TTPAL: variants seen among roughly 807,000 people sequenced by gnomAD.
TTPAL encodes the protein alpha-tocopherol transfer protein-like.
Under a neutral mutation model 28.7 loss-of-function variants are expected in TTPAL, and 21 were observed. The ratio of observed to expected loss-of-function variants is 0.73; its 90% confidence interval spans 0.52 to 1.06. The LOEUF is 1.06. TTPAL is among the 50% of genes least tolerant of loss of function. The pLI is 0.00. For synonymous variants in TTPAL, 169 were observed against 171.9 expected, an observed-to-expected ratio of 0.98 and a Z score of 0.13; for missense variants, 345 against 425.5, an observed-to-expected ratio of 0.81 and a Z score of 1.67.
chr20:44,482,272 G>A (rs1226824609), intron 2 of TTPAL, among the ~76,000 whole-genome samples: 1 of 152,128 alleles, frequency 6.6e-6, no homozygotes, highest in East Asian at 1.9e-4. Flanking sequence ...ATCAGGTCAG[G>A]TGTGGTGGCT....
In TTPAL at chr20:44,492,766, G is replaced by C. The variant is rs574718007; in HGVS notation, c.*3225G>C. On this transcript the variant is annotated 3_prime_UTR_variant, in exon 5 of 5. Coordinates refer to ENST00000262605, the MANE Select transcript of TTPAL (RefSeq NM_001039199.3). ...TCCCCTGTTCTGCCTTCATGGGGGA[G>C]AGACTGGATGAAATCTACAAAAACA... 1 of 152,438 alleles carries C rather than the reference G, an allele frequency of 6.6e-6. No homozygotes were observed. The highest frequency in any genetic ancestry group is 2.4e-5 in the African/African-American group (1 of 41,568). The allele number at this position is 152,438 out of a possible 1,614,324, so 9.4% of individuals were successfully genotyped here.
chr20:44,487,138 C>T (rs1450379732), intron 4 of TTPAL, among the ~76,000 whole-genome samples: 1 of 152,078 alleles, frequency 6.6e-6, no homozygotes, highest in Non-Finnish European at 1.5e-5. Flanking sequence ...AAAAATTAGC[C>T]AGGCATGGTG....
intron 4 of TTPAL, among the ~76,000 whole-genome samples, chr20:44,488,893 T>C (rs964911250): frequency 6.6e-6 from 1 of 152,168 alleles, no homozygotes; most frequent in Non-Finnish European, 1.5e-5. Context: ...GGCACGACTG[T>C]GATCTGAGTT....
At chr20:44,488,537 T>C (rs1221635908) in intron 4 of TTPAL, among the ~76,000 whole-genome samples, 2 of 152,166 alleles carry the variant, frequency 1.3e-5, no homozygotes, top group Admixed American at 6.5e-5. Context: ...AGTATTAGAA[T>C]GTGGTAAGTG....
In TTPAL at chr20:44,489,681, A is replaced by G. The variant is rs1034201363; in HGVS notation, c.*140A>G. On this transcript the variant is annotated 3_prime_UTR_variant, in exon 5 of 5. Coordinates refer to ENST00000262605, the MANE Select transcript of TTPAL (RefSeq NM_001039199.3). ...TGGAGGAACAGCCTGAGATATGAGC[A>G]TGAGCCCATTTTGGGGTAAGCCTTT... is the stretch of plus-strand genomic sequence containing the variant. The G allele has an allele frequency of 1.2e-4, 111 of 936,236 alleles. No homozygotes were observed. The highest frequency in any genetic ancestry group is 1.6e-4 in the Non-Finnish European group (106 of 644,560). The allele number at this position is 936,236 out of a possible 1,614,324, so 58.0% of individuals were successfully genotyped here.
intron 3 of TTPAL, among the ~76,000 whole-genome samples, chr20:44,484,987 C>T (rs2064138836): frequency 6.6e-6 from 1 of 152,130 alleles, no homozygotes; most frequent in Non-Finnish European, 1.5e-5. Flanking sequence ...GTGGCAGGCA[C>T]CTGTAATCCC....
In TTPAL at chr20:44,480,023, G is replaced by C; in HGVS notation, c.24G>C (p.Leu8=). 2 of 1,613,630 alleles carry C rather than the reference G, an allele frequency of 1.2e-6. No homozygotes were observed. The highest frequency in any genetic ancestry group is 1.7e-6 in the Non-Finnish European group (2 of 1,179,600). The change falls in exon 2 of 5, where the codon CTG becomes CTC. Residue 8 remains leucine, a synonymous_variant. Transcript: ENST00000262605. The surrounding 1 kb of genome is among the most constrained non-coding windows in gnomAD (Gnocchi z 4.1). MSEESDS[L]RTSPSVASLS... Reference sequence around the variant, plus strand: ...TAATGTCCGAAGAAAGTGACTCTCTGAGAACCAGCCCTTCTGTGGCCTCAC... The same window carrying C: ...TAATGTCCGAAGAAAGTGACTCTCTCAGAACCAGCCCTTCTGTGGCCTCAC...
In TTPAL at chr20:44,489,514, G is replaced by T. The variant is rs773429057; in HGVS notation, c.1002G>T (p.Val334=). 3 of 1,614,104 alleles carry T rather than the reference G, an allele frequency of 1.9e-6. No individual in the cohort carries two copies. In the African/African-American group the frequency reaches 4.0e-5, roughly 22 times the overall value. Residue 334 remains valine, a synonymous_variant, in exon 5 of 5, where the codon GTG becomes GTT. Coordinates refer to ENST00000262605, the MANE Select transcript of TTPAL (RefSeq NM_001039199.3). ...AGTGTGACGACTCCTTGCGAGCTGT[G>T]AAGTCACAGCTGTACTCCTGCTACT... ...DAQCDDSLRA[V]KSQLYSCY
In TTPAL at chr20:44,477,817, G is replaced by T. The variant is rs8126185; in HGVS notation, c.-16+1826G>T. Among the ~76,000 whole-genome samples, 822 of 152,026 alleles carry T rather than the reference G, an allele frequency of 5.4e-3. 4 individuals are homozygous for T. Among genetic ancestry groups the T allele is most frequent in the Middle Eastern group, 0.02 (6 of 294 alleles). ...CTACAGGCCCGCACCACCATGCCTG[G>T]CTAATTTTTGTATTTTTAGTAGAGA... is the stretch of plus-strand genomic sequence containing the variant. On this transcript the variant is annotated intron_variant, in intron 1 of 4. Transcript: ENST00000262605.
chr20:44,478,032 T>C (rs1004123258), intron 1 of TTPAL, among the ~76,000 whole-genome samples: 2 of 152,172 alleles, frequency 1.3e-5, no homozygotes, highest in Non-Finnish European at 2.9e-5. Context: ...GGCAGGAGGA[T>C]TGCTTGAACT....
rs190055831 is a variant in TTPAL, at chr20:44,479,924, T to G, written c.-15-61T>G. 3.3e-4 allele frequency: 468 copies of G among 1,418,838 alleles called. 8 individuals are homozygous for G. In the Admixed American group the frequency reaches 8.7e-3, roughly 26 times the overall value. The allele number at this position is 1,418,838 out of a possible 1,614,324, so 87.9% of individuals were successfully genotyped here. On this transcript the variant is annotated intron_variant, in intron 1 of 4. Transcript: ENST00000262605. ...AGAAGTGTTCCTGTCCCCTACACTG[T>G]ACTGCCCTAGGATTTGAAATAAGCA... is the stretch of plus-strand genomic sequence containing the variant.
chr20:44,477,817 G>A (rs8126185), intron 1 of TTPAL, among the ~76,000 whole-genome samples: 15 of 151,910 alleles, frequency 9.9e-5, no homozygotes, highest in Admixed American at 9.8e-4. Flanking sequence ...ACCATGCCTG[G>A]CTAATTTTTG....
rs149152163 is a variant in TTPAL at position 44,488,580 on chromosome 20, G to C, written c.751-683G>C. 4.7e-3 allele frequency among the ~76,000 whole-genome samples: 711 copies of C among 152,244 alleles called. 4 individuals are homozygous for C. Among genetic ancestry groups the C allele is most frequent in the African/African-American group, 0.017 (686 of 41,550 alleles). ...GAAAAATAAAGCAGAGAAAAGTATAGCGTGTGTGAGGTGGGAAGGGTTGCA... is the reference window on the plus strand; with the variant it reads ...GAAAAATAAAGCAGAGAAAAGTATACCGTGTGTGAGGTGGGAAGGGTTGCA... On this transcript the variant is annotated intron_variant, in intron 4 of 4. Coordinates refer to ENST00000262605, the MANE Select transcript of TTPAL (RefSeq NM_001039199.3).
chr20:44,492,737 CT>C lies in TTPAL; in HGVS notation c.*3197del, dbSNP rs1166452813. 6.6e-6 allele frequency: 1 copy of C among 152,246 alleles called. No individual in the cohort carries two copies. Among genetic ancestry groups the C allele is most frequent in the Non-Finnish European group, 1.5e-5 (1 of 68,030 alleles). The allele number at this position is 152,246 out of a possible 1,614,324, so 9.4% of individuals were successfully genotyped here. Reference sequence around the variant, plus strand: ...AACATGGAATTCTGGAAAACTGTGCCTCTTCCCCTGTTCTGCCTTCATGGGG... The same window carrying C: ...AACATGGAATTCTGGAAAACTGTGCCCTTCCCCTGTTCTGCCTTCATGGGG... On this transcript the variant is annotated 3_prime_UTR_variant, in exon 5 of 5. Transcript: ENST00000262605.
At chr20:44,487,075 G>A (rs990284331) in intron 4 of TTPAL, among the ~76,000 whole-genome samples, 1 of 152,126 alleles carries the variant, frequency 6.6e-6, no homozygotes, top group Non-Finnish European at 1.5e-5. Flanking sequence ...GAGGTCAGGA[G>A]TTCGAGACCA....
chr20:44,485,967 C>T (rs893168491), intron 3 of TTPAL: 5 of 152,138 alleles, frequency 3.3e-5, no homozygotes, highest in African/African-American at 1.2e-4. Context: ...CCTCTAATAG[C>T]CTGAGAAATA....
At chr20:44,476,788 T>C (rs960772959) in intron 1 of TTPAL, among the ~76,000 whole-genome samples, 12 of 152,388 alleles carry the variant, frequency 7.9e-5, no homozygotes, top group Middle Eastern at 3.4e-3. Context: ...CAAGGAATTG[T>C]ATTGTTTGCG....
At chr20:44,486,465 G>C in intron 3 of TTPAL, 131 bp from the exon 4 acceptor site, 2 of 615,236 alleles carry the variant, frequency 3.3e-6, no homozygotes, top group South Asian at 4.3e-5. Context: ...GCCCCACGTG[G>C]ACTGTCATTG....
In TTPAL at chr20:44,487,178, AG is replaced by A. The variant is rs1238221751; in HGVS notation, c.750+474del. ...ATGCCTGTAATTGCAGCTACTTGGG[AG>A]GCTGAGGGAGGAGAATCACTTGAAT... On this transcript the variant is annotated intron_variant, in intron 4 of 4. Coordinates refer to ENST00000262605, the MANE Select transcript of TTPAL (RefSeq NM_001039199.3). 3.3e-4 allele frequency among the ~76,000 whole-genome samples: 50 copies of A among 151,956 alleles called. 1 individual carries two copies. Among genetic ancestry groups the A allele is most frequent in the Non-Finnish European group, 1.3e-4 (9 of 67,992 alleles).
Sources: gnomAD v4.1 joint callset for allele counts (sites outside exome capture counted in the v4.1 genomes callset) on GRCh38, gnomAD v4.1.1 for gene constraint, Gnocchi (gnomAD v3.1) non-coding constraint, MANE v1.5 for transcripts, NCBI Gene and HGNC (gene_info 2026-07-23, HGNC 2026-07-21) for gene names.